The following FBXO38 variants were observed in gnomAD, a reference collection of about 807,000 sequenced individuals.
FBXO38 encodes the protein F-box protein 38.
In FBXO38, 53 loss-of-function variants were observed where a neutral mutation model predicts 131.9. The observed-to-expected ratio is 0.40, with a 90% CI of 0.32 to 0.51. The LOEUF (loss-of-function observed/expected upper bound fraction) is 0.51, where lower values mean the gene tolerates loss of function less well. FBXO38 is among the 20% of genes least tolerant of loss of function. The pLI is 0.53. For synonymous variants in FBXO38, 452 were observed against 505.6 expected, an observed-to-expected ratio of 0.89 and a Z score of 1.42; for missense variants, 1,076 against 1,475.6, an observed-to-expected ratio of 0.73 and a Z score of 4.44.
chr5:148,396,022 A>C (rs1249426895), intron 2 of FBXO38, among the ~76,000 whole-genome samples: 1 of 152,142 alleles, frequency 6.6e-6, no homozygotes, highest in African/African-American at 2.4e-5. Context: ...TGAAGTTTTA[A>C]AATAGCAATA....
intron 8 of FBXO38, among the ~76,000 whole-genome samples, chr5:148,409,489 G>A (rs1327869798): frequency 1.3e-5 from 2 of 152,178 alleles, no homozygotes; most frequent in East Asian, 3.8e-4. Context: ...TCTGGAAATG[G>A]CTGAGAGTCC....
At chr5:148,428,061 G>A in intron 15 of FBXO38, 114 bp downstream of exon 15, 3 of 1,153,886 alleles carry the variant, frequency 2.6e-6, no homozygotes, top group Non-Finnish European at 1.2e-6. Flanking sequence ...TTCTATTTTG[G>A]GGTTTTGTGG....
chr5:148,401,486 A>G (rs1388211307), intron 3 of FBXO38, among the ~76,000 whole-genome samples: 2 of 152,302 alleles, frequency 1.3e-5, no homozygotes, highest in South Asian at 2.1e-4. Flanking sequence ...TAGAAAATGG[A>G]TAGAATAATT....
At chr5:148,420,567 A>G (rs1753352554) in intron 12 of FBXO38, among the ~76,000 whole-genome samples, 1 of 152,228 alleles carries the variant, frequency 6.6e-6, no homozygotes, top group African/African-American at 2.4e-5. Flanking sequence ...TTTTACCTGT[A>G]CATCATTTAA....
chr5:148,441,105 T>A lies in FBXO38; in HGVS notation c.3275-19T>A, dbSNP rs751193657. 3.8e-6 allele frequency: 6 copies of A among 1,577,232 alleles called. No homozygotes were observed. The highest frequency in any genetic ancestry group is 3.3e-5 in the South Asian group (3 of 90,376). On this transcript the variant is annotated intron_variant, in intron 20 of 21. Transcript: ENST00000340253. ...TCAGCACTCCCACGCCAGTTAGCAA[T>A]GTTACATTTGTCTTTTAGGTGTTGT...
intron 1 of FBXO38, among the ~76,000 whole-genome samples, chr5:148,385,734 A>G (rs1002879068): frequency 6.6e-6 from 1 of 152,194 alleles, no homozygotes; most frequent in Non-Finnish European, 1.5e-5. Context: ...AAGATAGTCT[A>G]TGATGTCAAT....
chr5:148,386,097 A>T (rs4705253), intron 1 of FBXO38, among the ~76,000 whole-genome samples: 63,733 of 151,938 alleles, frequency 0.42, 15,809 homozygotes, highest in African/African-American at 0.69. Context: ...GTAATATACC[A>T]AAGGTGGCCA....
intron 1 of FBXO38, chr5:148,389,764 C>G (rs1758100835): frequency 6.6e-6 from 1 of 152,186 alleles, no homozygotes; most frequent in Non-Finnish European, 1.5e-5. Context: ...CGTGGTGGCT[C>G]ACGCCTGTAA....
At position 148,442,013 on chromosome 5, in the gene FBXO38, A is replaced by G. The variant is rs759030587; in HGVS notation, c.3433A>G (p.Ile1145Val). 3.7e-6 allele frequency: 6 copies of G among 1,614,194 alleles called. No homozygotes were observed. Among genetic ancestry groups the G allele is most frequent in the Non-Finnish European group, 3.4e-6 (4 of 1,179,982 alleles). ...AAGGAAAGGACAGCTGTCTGCAGACATCTGTATGGAAACAATAGGAGAGGA... is the reference window on the plus strand; with the variant it reads ...AAGGAAAGGACAGCTGTCTGCAGACGTCTGTATGGAAACAATAGGAGAGGA... ...PRRKGQLSAD[I>V]CMETIGEEIS... The change falls in exon 22 of 22, where the codon ATC (isoleucine) becomes GTC (valine). Residue 1145 changes from isoleucine (I) to valine (V), a missense_variant. Ile to Val is a conservative substitution (Grantham distance 29). Transcript: ENST00000340253.
chr5:148,427,269 C>A lies in FBXO38; in HGVS notation c.1975C>A (p.Gln659Lys). The A allele has an allele frequency of 6.2e-7, 1 of 1,614,072 alleles. No individual in the cohort carries two copies. The highest frequency in any genetic ancestry group is 1.1e-5 in the South Asian group (1 of 91,076). ...RKRYNSHQMG[Q>K]SKQFPLEESS... ...GAGGTACAACTCCCATCAGATGGGC[C>A]AGTCGAAGCAGTTTCCCCTCGAGGA... Residue 659 changes from glutamine to lysine, a missense_variant, in exon 15 of 22, where the codon CAG becomes AAG. This residue lies in a region of FBXO38 where 212 missense variants were observed against 221.2 expected (regional missense o/e 0.96). Transcript: ENST00000340253.
rs779561720 is a variant in FBXO38, at chr5:148,427,497, G to A, written c.2203G>A (p.Gly735Ser). 45 of 1,614,036 alleles carry A rather than the reference G, an allele frequency of 2.8e-5. No individual in the cohort carries two copies. The highest frequency in any genetic ancestry group is 3.4e-5 in the Non-Finnish European group (40 of 1,180,040). Residue 735 changes from glycine (G) to serine (S), a missense_variant, in exon 15 of 22, where the codon GGC becomes AGC. By Grantham distance (56) the Gly-to-Ser change is moderately conservative (BLOSUM62 0). Transcript: ENST00000340253. ...CTTTGTAAGGACGGTGAACAGCGGC[G>A]GCTCTTCCGAGCCTAGCCCTACAGA... is the stretch of plus-strand genomic sequence containing the variant. ...PDFVRTVNSG[G>S]SSEPSPTEVD...
chr5:148,393,756 G>A (rs1368035133), intron 1 of FBXO38, among the ~76,000 whole-genome samples: 1 of 152,076 alleles, frequency 6.6e-6, no homozygotes, highest in East Asian at 1.9e-4. Flanking sequence ...CCTCTTTTCA[G>A]CTGTCATCCT....
intron 12 of FBXO38, among the ~76,000 whole-genome samples, chr5:148,418,157 G>A (rs1215011057): frequency 1.3e-5 from 2 of 152,032 alleles, no homozygotes; most frequent in South Asian, 2.1e-4. Context: ...AGGTCATTTC[G>A]CCACTTTCAT....
rs7728004 is a variant in FBXO38 at position 148,413,843 on chromosome 5, A to G, written c.1094-293A>G. 95,742 of 251,990 alleles carry G rather than the reference A, an allele frequency of 0.38. 21,675 individuals are homozygous for G. Among genetic ancestry groups the G allele is most frequent in the African/African-American group, 0.69 (30,763 of 44,796 alleles). 15.6% of individuals were successfully genotyped at this position (251,990 alleles called of 1,614,324 possible). A position where few individuals can be genotyped will look rare whatever the true frequency, so the allele number is the denominator to read the frequency against. On this transcript the variant is annotated intron_variant, in intron 9 of 21. Transcript: ENST00000340253. ...ACCATGGTATGAACCAGTATGATAG[A>G]TCCTTCACTTATGCTTTAAGAATTT...
intron 14 of FBXO38, among the ~76,000 whole-genome samples, chr5:148,426,182 A>G (rs1753705507): frequency 6.6e-6 from 1 of 152,156 alleles, no homozygotes; most frequent in African/African-American, 2.4e-5. Flanking sequence ...GCAGTGCCTC[A>G]CCAAGAAACT....
chr5:148,397,469 G>A (rs1160797676), intron 2 of FBXO38: 12 of 152,074 alleles, frequency 7.9e-5, no homozygotes. Context: ...AATTTATTTA[G>A]AAAGCAAATT....
rs776500440 is a variant in FBXO38 at position 148,427,665 on chromosome 5, T to G, written c.2371T>G (p.Cys791Gly). Residue 791 changes from cysteine to glycine, a missense_variant, in exon 15 of 22, where the codon TGT (cysteine) becomes GGT (glycine). By Grantham distance (159) the Cys-to-Gly change is radical. Transcript: ENST00000340253. The part of the protein sequence containing the change: ...PQESQRRTSR[C>G]SDEERPSTSR... ...GGAATCCCAAAGGAGAACTAGCAGG[T>G]GTTCTGATGAGGAACGTCCTTCAAC... 1 of 1,614,196 alleles carries G rather than the reference T, an allele frequency of 6.2e-7. No homozygotes were observed. Among genetic ancestry groups the G allele is most frequent in the Admixed American group, 1.7e-5 (1 of 60,028 alleles).
At chr5:148,433,584 C>T in intron 16 of FBXO38, 51 bp from the exon 17 acceptor site, 1 of 1,546,612 alleles carries the variant, frequency 6.5e-7, no homozygotes, top group Non-Finnish European at 8.9e-7. Context: ...AAATAATGCA[C>T]ATAAACTAAA....
At chr5:148,387,055 A>G (rs534854408) in intron 1 of FBXO38, among the ~76,000 whole-genome samples, 44 of 152,226 alleles carry the variant, frequency 2.9e-4, no homozygotes, top group South Asian at 1.7e-3. Context: ...TCTTAGGACA[A>G]CAGTGAAGTT....
Sources: gnomAD v4.1 joint callset for allele counts (sites outside exome capture counted in the v4.1 genomes callset) on GRCh38, gnomAD v4.1.1 for gene constraint, gnomAD v4.1.1 regional missense constraint, MANE v1.5 for transcripts, NCBI Gene and HGNC (gene_info 2026-07-23, HGNC 2026-07-21) for gene names.